CHRM3: variants seen among roughly 807,000 people sequenced by gnomAD.
CHRM3 encodes the protein muscarinic acetylcholine receptor M3.
Under a neutral mutation model 41.8 loss-of-function variants are expected in CHRM3, and 11 were observed. The observed-to-expected ratio is 0.26, with a 90% CI of 0.17 to 0.44. CHRM3 has a LOEUF of 0.44. CHRM3 is among the 20% of genes least tolerant of loss of function. The pLI is 1.00. For missense variants in CHRM3, 571 were observed against 745.4 expected, an observed-to-expected ratio of 0.77 and a Z score of 2.72; for synonymous variants, 297 against 301.4, an observed-to-expected ratio of 0.99 and a Z score of 0.15.
At chr1:239,703,697 T>C (rs529434583) in intron 5 of CHRM3, 1 of 152,328 alleles carries the variant, frequency 6.6e-6, no homozygotes, top group Admixed American at 6.5e-5. Context: ...TTTGATTCAC[T>C]CTATTCAGAA....
At chr1:239,730,660 A>G (rs1420358813) in intron 5 of CHRM3, among the ~76,000 whole-genome samples, 3 of 152,034 alleles carry the variant, frequency 2.0e-5, no homozygotes, top group East Asian at 3.9e-4. Flanking sequence ...TTTAGGTTGC[A>G]TGAGTGAACC....
At chr1:239,645,066 T>A (rs553297534) in intron 4 of CHRM3, among the ~76,000 whole-genome samples, 6 of 152,328 alleles carry the variant, frequency 3.9e-5, no homozygotes, top group South Asian at 4.1e-4. Flanking sequence ...GAGCAGTCTA[T>A]GGCTGGGCAC....
At chr1:239,504,869 G>A (rs1668463052) in intron 2 of CHRM3, among the ~76,000 whole-genome samples, 1 of 151,998 alleles carries the variant, frequency 6.6e-6, no homozygotes, top group Non-Finnish European at 1.5e-5. Context: ...CTATGAGGAT[G>A]CAAAGGCATA....
chr1:239,693,502 T>C (rs932951087), intron 5 of CHRM3, among the ~76,000 whole-genome samples: 3 of 152,176 alleles, frequency 2.0e-5, no homozygotes, highest in African/African-American at 7.2e-5. Flanking sequence ...GAAAAATAAA[T>C]GTCTGTTGTT....
chr1:239,588,826 T>C (rs1319090584), intron 3 of CHRM3, among the ~76,000 whole-genome samples: 2 of 152,180 alleles, frequency 1.3e-5, no homozygotes, highest in Non-Finnish European at 2.9e-5. Flanking sequence ...CATGTATATA[T>C]TTCTCAAATG....
At chr1:239,426,129 TCCCTCCCCCCTCCCCCCTCCC>T (rs1433982080) in intron 1 of CHRM3, among the ~76,000 whole-genome samples, 1 of 36,282 alleles carries the variant, frequency 2.8e-5, no homozygotes, top group African/African-American at 1.2e-4. Flanking sequence ...CCTAATGCTA[TCCCTCCCCCCTCCCCCCTCCC>T]CCCTCCCCCC....
At chr1:239,887,517 C>G (rs879669700) in intron 6 of CHRM3, among the ~76,000 whole-genome samples, 2 of 152,204 alleles carry the variant, frequency 1.3e-5, no homozygotes, top group African/African-American at 4.8e-5. Context: ...GCCATGGTGC[C>G]AGGCCTTCAG....
At chr1:239,861,644 G>A (rs950761383) in intron 6 of CHRM3, among the ~76,000 whole-genome samples, 51 of 152,120 alleles carry the variant, frequency 3.4e-4, no homozygotes, top group African/African-American at 1.2e-3. Flanking sequence ...TGTGTGATGT[G>A]TTTAAGATCA....
chr1:239,578,904 G>T (rs1413789107), intron 3 of CHRM3, among the ~76,000 whole-genome samples: 1 of 152,110 alleles, frequency 6.6e-6, no homozygotes, highest in Non-Finnish European at 1.5e-5. Context: ...CCATTCATCT[G>T]CACCATTGCC....
intron 3 of CHRM3, among the ~76,000 whole-genome samples, chr1:239,559,900 A>G (rs1426006796): frequency 6.6e-6 from 1 of 152,192 alleles, no homozygotes; most frequent in Non-Finnish European, 1.5e-5. Flanking sequence ...TTAAGGTGAA[A>G]CAATACATTG....
At chr1:239,695,949 C>T (rs1660143589) in intron 5 of CHRM3, among the ~76,000 whole-genome samples, 1 of 152,178 alleles carries the variant, frequency 6.6e-6, no homozygotes, top group Admixed American at 6.5e-5. Context: ...GAATGGATTA[C>T]CTGTATACGC....
intron 2 of CHRM3, among the ~76,000 whole-genome samples, chr1:239,494,112 G>A (rs1196459556): frequency 6.6e-6 from 1 of 152,116 alleles, no homozygotes; most frequent in African/African-American, 2.4e-5. Context: ...TCAAATTGAG[G>A]GATGCATTAT....
intron 1 of CHRM3, among the ~76,000 whole-genome samples, chr1:239,407,211 C>G (rs1018993882): frequency 1.3e-5 from 2 of 152,194 alleles, no homozygotes; most frequent in Admixed American, 6.6e-5. Context: ...TCCTCAAATG[C>G]CATCCGATCA....
chr1:239,847,782 G>A (rs1270354427), intron 6 of CHRM3, among the ~76,000 whole-genome samples: 1 of 151,922 alleles, frequency 6.6e-6, no homozygotes, highest in Non-Finnish European at 1.5e-5. Context: ...GGTGTTGGTG[G>A]TGCATGCCTG....
At chr1:239,450,139 T>C (rs1664459582) in intron 1 of CHRM3, among the ~76,000 whole-genome samples, 1 of 152,250 alleles carries the variant, frequency 6.6e-6, no homozygotes, top group South Asian at 2.1e-4. Context: ...TATGCTCATT[T>C]CAAACATTCC....
At chr1:239,452,925 C>T (rs148601791) in intron 1 of CHRM3, among the ~76,000 whole-genome samples, 5,162 of 152,142 alleles carry the variant, frequency 0.034, 92 homozygotes, top group Non-Finnish European at 0.044. Context: ...CTCAGCCTCC[C>T]GAGTAGCTGG....
At chr1:239,890,997 A>G (rs1181790006) in intron 6 of CHRM3, among the ~76,000 whole-genome samples, 2 of 152,226 alleles carry the variant, frequency 1.3e-5, no homozygotes, top group Non-Finnish European at 2.9e-5. Flanking sequence ...AGGGAAAGAC[A>G]AGCCTTACAG....
chr1:239,764,740 A>G (rs1165765756), intron 5 of CHRM3, among the ~76,000 whole-genome samples: 1 of 152,218 alleles, frequency 6.6e-6, no homozygotes, highest in Non-Finnish European at 1.5e-5. Flanking sequence ...TCAATAAATC[A>G]TTTTGGCAAG....
At chr1:239,466,594 G>GA (rs1040901904) in intron 1 of CHRM3, among the ~76,000 whole-genome samples, 4 of 151,642 alleles carry the variant, frequency 2.6e-5, no homozygotes, top group African/African-American at 9.7e-5. Flanking sequence ...TTTCTGAAAA[G>GA]AAGTATTCTT....
Sources: allele counts gnomAD v4.1 joint callset (sites outside exome capture counted in the v4.1 genomes callset), GRCh38; gene constraint gnomAD v4.1.1; transcripts MANE v1.5; gene names NCBI Gene and HGNC (gene_info 2026-07-23, HGNC 2026-07-21).